BTG4: variants seen among roughly 807,000 people sequenced by gnomAD.
BTG4 encodes the protein protein BTG4.
BTG4 carries 10 observed loss-of-function variants against 19.3 expected under a neutral mutation model. The observed-to-expected ratio is 0.52, with a 90% CI of 0.32 to 0.88. The LOEUF (loss-of-function observed/expected upper bound fraction) is 0.88. Among genes scored for constraint, BTG4 ranks in the 40% least tolerant of loss-of-function variants. The probability of loss-of-function intolerance (pLI) is 0.04; values close to 1 mark genes in which losing one functional copy is unlikely to be tolerated. For synonymous variants in BTG4, 91 were observed against 95.7 expected, an observed-to-expected ratio of 0.95 and a Z score of 0.29; for missense variants, 238 against 281.9, an observed-to-expected ratio of 0.84 and a Z score of 1.11.
chr11:111,419,529 C>T, the BTG4 span, among the ~76,000 whole-genome samples: 2 of 152,224 alleles, frequency 1.3e-5, no homozygotes, highest in African/African-American at 4.8e-5. Context: ...GAGAAAGAAA[C>T]ATGTCTCCCT....
intron 1 of BTG4, among the ~76,000 whole-genome samples, chr11:111,508,837 ATACT>A (rs1866648890): frequency 6.6e-6 from 1 of 150,376 alleles, no homozygotes; most frequent in South Asian, 2.1e-4. Context: ...TTCATATTAC[ATACT>A]AATATAATTA....
the BTG4 span, chr11:111,399,104 T>G: frequency 3.3e-5 from 5 of 152,216 alleles, no homozygotes; most frequent in Admixed American, 2.6e-4. Context: ...TCACCTTTAC[T>G]CACGTCACCA....
the BTG4 span, among the ~76,000 whole-genome samples, chr11:111,430,268 T>C: frequency 1.3e-5 from 2 of 152,186 alleles, no homozygotes; most frequent in Admixed American, 1.3e-4. Context: ...TGTACATTGG[T>C]TTGGTCCAGT....
intron 1 of BTG4, among the ~76,000 whole-genome samples, chr11:111,503,381 G>T (rs145577925): frequency 6.6e-6 from 1 of 152,188 alleles, no homozygotes. Flanking sequence ...AGACCAACCT[G>T]GTCTGGCCTA....
chr11:111,492,337 T>C (rs1479561683), downstream of BTG4, among the ~76,000 whole-genome samples: 2 of 152,258 alleles, frequency 1.3e-5, no homozygotes, highest in African/African-American at 4.8e-5. Flanking sequence ...CCAAATATTA[T>C]GTTGCATTTT....
chr11:111,467,851 G>T (rs1863812784), intron 5 of BTG4, among the ~76,000 whole-genome samples: 1 of 152,176 alleles, frequency 6.6e-6, no homozygotes, highest in Non-Finnish European at 1.5e-5. Flanking sequence ...GTTCTGGCTT[G>T]TGCCCAGAGA....
rs139833383 is a variant in BTG4 at position 111,498,610 on chromosome 11, G to A, written c.167C>T (p.Ala56Val). 6.2e-7 allele frequency: 1 copy of A among 1,612,394 alleles called. No homozygotes were observed. The highest frequency in any genetic ancestry group is 8.5e-7 in the Non-Finnish European group (1 of 1,179,620). Reference sequence around the variant, plus strand: ...CCCACATACTAGCTCTCACCTGAAGGCTTGCCCTTTAGAAGGGCAATCAGA... The same window carrying A: ...CCCACATACTAGCTCTCACCTGAAGACTTGCCCTTTAGAAGGGCAATCAGA... ...WHSDCPSKGQAFRCIRINNNQ... is the reference protein window; with the variant it reads ...WHSDCPSKGQVFRCIRINNNQ... The change falls in exon 2 of 5, where the codon GCC becomes GTC. Residue 56 changes from alanine (A) to valine (V), a missense_variant. Coordinates refer to ENST00000692032, the MANE Select transcript of BTG4 (RefSeq NM_001367975.1).
chr11:111,385,431 CTT>C, the BTG4 span: 1 of 152,088 alleles, frequency 6.6e-6, no homozygotes, highest in African/African-American at 2.4e-5. Flanking sequence ...ATCATGTAAA[CTT>C]GATTCTAAAA....
At chr11:111,451,325 G>A in the BTG4 span, 3 of 433,310 alleles carry the variant, frequency 6.9e-6, no homozygotes, top group Non-Finnish European at 1.4e-5. Context: ...AGCTCTATGA[G>A]CAAAGCCTCA....
the BTG4 span, among the ~76,000 whole-genome samples, chr11:111,438,597 T>C: frequency 6.6e-6 from 1 of 152,164 alleles, no homozygotes; most frequent in Non-Finnish European, 1.5e-5. Flanking sequence ...ATTTTATTCA[T>C]CTCCATTCTC....
intron 5 of BTG4, among the ~76,000 whole-genome samples, chr11:111,468,889 C>A (rs1265552799): frequency 6.6e-6 from 1 of 152,164 alleles, no homozygotes; most frequent in East Asian, 1.9e-4. Flanking sequence ...TTGAAAACCA[C>A]TGCTTAAGGA....
chr11:111,497,454 T>C (rs1184825747), intron 3 of BTG4, 45 bp from the exon 4 acceptor site: 3 of 1,235,398 alleles, frequency 2.4e-6, no homozygotes, highest in African/African-American at 3.1e-5. Context: ...GATTCAACTT[T>C]CTACAAGATC....
chr11:111,431,488 AT>A, the BTG4 span, among the ~76,000 whole-genome samples: 1 of 152,234 alleles, frequency 6.6e-6, no homozygotes, highest in African/African-American at 2.4e-5. Flanking sequence ...GAGCATTTTG[AT>A]TCCAACCAAG....
At chr11:111,392,759 G>C in the BTG4 span, among the ~76,000 whole-genome samples, 1 of 152,170 alleles carries the variant, frequency 6.6e-6, no homozygotes, top group Non-Finnish European at 1.5e-5. Context: ...CTGCACAGTG[G>C]TAACATAGTT....
chr11:111,467,764 C>T (rs1193379631), intron 5 of BTG4: 2 of 697,470 alleles, frequency 2.9e-6, no homozygotes, highest in Admixed American at 2.3e-5. Context: ...TTTATTCCCT[C>T]CTGGAAATAA....
the BTG4 span, among the ~76,000 whole-genome samples, chr11:111,439,821 C>T: frequency 1.3e-5 from 2 of 152,274 alleles, no homozygotes; most frequent in Admixed American, 1.3e-4. Context: ...GGCTCCAGCT[C>T]CTCCGCCCGG....
the BTG4 span, among the ~76,000 whole-genome samples, chr11:111,410,611 C>T: frequency 1.3e-5 from 2 of 152,186 alleles, no homozygotes; most frequent in Non-Finnish European, 2.9e-5. Flanking sequence ...TCATTGTGTG[C>T]CCTTGGTCAA....
the BTG4 span, among the ~76,000 whole-genome samples, chr11:111,442,828 C>A: frequency 6.6e-6 from 1 of 152,190 alleles, no homozygotes; most frequent in Non-Finnish European, 1.5e-5. Context: ...ATCTCACATG[C>A]AGAAGAATCT....
At chr11:111,513,066 G>A, upstream of BTG4, 1 of 448,094 alleles carries the variant, frequency 2.2e-6, no homozygotes, top group Non-Finnish European at 4.8e-6. Flanking sequence ...GGCTCGGGCA[G>A]CCCGCAGCCT....
Sources: gnomAD v4.1 joint callset for allele counts (sites outside exome capture counted in the v4.1 genomes callset) on GRCh38, gnomAD v4.1.1 for gene constraint, MANE v1.5 for transcripts, NCBI Gene and HGNC (gene_info 2026-07-23, HGNC 2026-07-21) for gene names.